Variants in DMXL1 observed in about 807,000 individuals in gnomAD.
DMXL1 encodes Dmx like 1.
In DMXL1, 99 loss-of-function variants were observed where a neutral mutation model predicts 319.2. The observed-to-expected ratio is 0.31, with a 90% CI of 0.26 to 0.37. DMXL1 has a LOEUF of 0.37. DMXL1 is among the 10% of genes least tolerant of loss of function. The pLI, the probability that DMXL1 is intolerant of heterozygous loss-of-function variation, is 1.00. For missense variants in DMXL1, 3,745 were observed against 3,595.6 expected (o/e 1.04, Z -1.06); for synonymous variants, 1,385 against 1,235.2 (o/e 1.12, Z -2.54).
chr5:119,105,925 A>G (rs1758249121), intron 4 of DMXL1, among the ~76,000 whole-genome samples: 1 of 151,832 alleles, frequency 6.6e-6, no homozygotes, highest in Non-Finnish European at 1.5e-5. Flanking sequence ...AGAAAATATA[A>G]TGAATATATG....
chr5:119,207,411 A>C, intron 34 of DMXL1, among the ~76,000 whole-genome samples: 2 of 152,212 alleles, frequency 1.3e-5, no homozygotes, highest in East Asian at 3.8e-4. Context: ...TTAAGAGGAT[A>C]CATAGTAAGT....
chr5:119,233,628 G>T (rs1787182980), intron 39 of DMXL1, among the ~76,000 whole-genome samples, 161 bp downstream of exon 39: 1 of 152,108 alleles, frequency 6.6e-6, no homozygotes, highest in African/African-American at 2.4e-5. Context: ...AACTTCACTT[G>T]TTCTTCCTAG....
At chr5:119,105,006 C>G (rs898407385) in intron 3 of DMXL1, among the ~76,000 whole-genome samples, 174 bp from the exon 4 acceptor site, 9 of 152,144 alleles carry the variant, frequency 5.9e-5, no homozygotes, top group African/African-American at 1.7e-4. Flanking sequence ...TATGGATATT[C>G]TCTCACATAC....
At chr5:119,244,638 A>C in intron 43 of DMXL1, 62 bp downstream of exon 43, 6 of 1,238,184 alleles carry the variant, frequency 4.8e-6, no homozygotes, top group Non-Finnish European at 7.1e-6. Context: ...TAGCTCTTTA[A>C]TCGTATTGAT....
chr5:119,097,791 A>G (rs1419154582), intron 1 of DMXL1, among the ~76,000 whole-genome samples, 188 bp from the exon 2 acceptor site: 2 of 152,210 alleles, frequency 1.3e-5, no homozygotes, highest in Non-Finnish European at 2.9e-5. Context: ...AGAATTTGCT[A>G]ATAGGCTGTA....
chr5:119,217,089 C>G lies in DMXL1; in HGVS notation c.8013+102C>G, dbSNP rs181975882. On this transcript the variant is annotated intron_variant, in intron 35 of 43. Transcript: ENST00000539542. Reference sequence around the variant, plus strand: ...CAGTATTTCTTTCCCAAAGCTGCTTCCAGTTCCTTAAATTGCAATCTGGAT... The same window carrying G: ...CAGTATTTCTTTCCCAAAGCTGCTTGCAGTTCCTTAAATTGCAATCTGGAT... 31 of 620,880 alleles carry G rather than the reference C, an allele frequency of 5.0e-5. No individual in the cohort carries two copies. The African/African-American group carries it at 5.7e-4, about 12-fold the overall frequency. The allele number at this position is 620,880 out of a possible 1,614,324, so 38.5% of individuals were successfully genotyped here.
At chr5:119,205,523 C>A in intron 33 of DMXL1, among the ~76,000 whole-genome samples, 1 of 151,694 alleles carries the variant, frequency 6.6e-6, no homozygotes, top group South Asian at 2.1e-4. Context: ...AATATTTTCT[C>A]TGAATTTTGT....
At chr5:119,229,055 C>T (rs538835916) in intron 38 of DMXL1, among the ~76,000 whole-genome samples, 81 of 141,292 alleles carry the variant, frequency 5.7e-4, no homozygotes, top group African/African-American at 1.7e-3. Context: ...TGACTCATGT[C>T]TGTAATCCCA....
intron 8 of DMXL1, 127 bp downstream of exon 8, chr5:119,119,131 C>A (rs1761477373): frequency 1.7e-6 from 1 of 592,990 alleles, no homozygotes; most frequent in East Asian, 3.2e-5. Flanking sequence ...ATTTTCAGTT[C>A]TATTTGGTTC....
chr5:119,154,014 T>C (rs1386326939), intron 19 of DMXL1, among the ~76,000 whole-genome samples: 1 of 152,250 alleles, frequency 6.6e-6, no homozygotes, highest in African/African-American at 2.4e-5. Flanking sequence ...ATAATGGTTT[T>C]GGAGTGCCAT....
At chr5:119,209,617 G>C (rs1009590094) in intron 34 of DMXL1, among the ~76,000 whole-genome samples, 1 of 152,056 alleles carries the variant, frequency 6.6e-6, no homozygotes, top group Non-Finnish European at 1.5e-5. Context: ...TGAAGTGTTC[G>C]GATTACAGGT....
intron 34 of DMXL1, among the ~76,000 whole-genome samples, chr5:119,214,919 A>G (rs1467236906): frequency 4.6e-5 from 7 of 152,170 alleles, no homozygotes; most frequent in South Asian, 2.1e-4. Context: ...ACATCCCTCT[A>G]TTCCATGGAG....
chr5:119,179,792 C>G (rs145227333), intron 28 of DMXL1, among the ~76,000 whole-genome samples: 9 of 152,254 alleles, frequency 5.9e-5, no homozygotes, highest in African/African-American at 9.6e-5. Context: ...CTAGGACTCT[C>G]ATACTTTCTA....
At chr5:119,143,969 A>G (rs747732772) in intron 14 of DMXL1, 39 bp downstream of exon 14, 1 of 1,263,710 alleles carries the variant, frequency 7.9e-7, no homozygotes. Flanking sequence ...ATTAAAAAAA[A>G]GTTTATGAAA....
chr5:119,105,646 A>G (rs1758168650), intron 4 of DMXL1, among the ~76,000 whole-genome samples: 1 of 152,196 alleles, frequency 6.6e-6, no homozygotes, highest in Non-Finnish European at 1.5e-5. Context: ...CTGTATTCCC[A>G]GCACTTTGGG....
chr5:119,168,918 T>A (rs1773990544), intron 23 of DMXL1, among the ~76,000 whole-genome samples: 1 of 152,048 alleles, frequency 6.6e-6, no homozygotes. Flanking sequence ...TTTTCTTCTT[T>A]CTTGAGGTGG....
intron 28 of DMXL1, among the ~76,000 whole-genome samples, chr5:119,186,120 T>C (rs1469987821): frequency 6.6e-6 from 1 of 152,182 alleles, no homozygotes; most frequent in Non-Finnish European, 1.5e-5. Context: ...TTTTCCATAT[T>C]TGGGGGGCTC....
chr5:119,129,426 AAACTT>A lies in DMXL1; in HGVS notation c.1315+4_1315+8del. 6.3e-7 allele frequency: 1 copy of A among 1,591,936 alleles called. No homozygotes were observed. Among genetic ancestry groups the A allele is most frequent in the Non-Finnish European group, 8.5e-7 (1 of 1,170,846 alleles). Reference sequence around the variant, plus strand: ...GGCAGATGTAAAATCTGATGAAGGTAAACTTTAAGAGGAAAGGAAAATTTAAAGTT... The same window carrying A: ...GGCAGATGTAAAATCTGATGAAGGTATAAGAGGAAAGGAAAATTTAAAGTT... On this transcript the variant is annotated splice_donor_5th_base_variant and intron_variant, in intron 10 of 43. Coordinates refer to ENST00000539542, the MANE Select transcript of DMXL1 (RefSeq NM_001290321.3).
chr5:119,158,388 T>C (rs1033859032), intron 19 of DMXL1, among the ~76,000 whole-genome samples: 4 of 152,328 alleles, frequency 2.6e-5, no homozygotes, highest in Middle Eastern at 3.4e-3. Context: ...TGGAGTCTTA[T>C]GTGTTTTCTG....
Sources: allele counts gnomAD v4.1 joint callset (sites outside exome capture counted in the v4.1 genomes callset), GRCh38; gene constraint gnomAD v4.1.1; transcripts MANE v1.5; gene names NCBI Gene and HGNC (gene_info 2026-07-23, HGNC 2026-07-21).